Variants in IL7 observed in about 807,000 individuals in gnomAD.
IL7 encodes interleukin-7.
IL7 carries 3 observed loss-of-function variants against 21.6 expected under a neutral mutation model. The observed-to-expected ratio is 0.14, with a 90% confidence interval of 0.06 to 0.36. IL7 has a LOEUF of 0.36. IL7 is among the 10% of genes least tolerant of loss of function. The pLI, the probability that IL7 is intolerant of heterozygous loss-of-function variation, is 1.00. For synonymous variants in IL7, 62 were observed against 68.1 expected (o/e 0.91, Z 0.44); for missense variants, 175 against 200.2 (o/e 0.87, Z 0.76).
chr8:78,790,710 A>T (rs1813659902), intron 2 of IL7, among the ~76,000 whole-genome samples: 1 of 152,094 alleles, frequency 6.6e-6, no homozygotes, highest in Non-Finnish European at 1.5e-5. Context: ...CATTTGCAAT[A>T]GCATTAAAGA....
At chr8:78,759,066 C>CA (rs1812453447) in intron 2 of IL7, among the ~76,000 whole-genome samples, 1 of 150,166 alleles carries the variant, frequency 6.7e-6, no homozygotes, top group Admixed American at 6.6e-5. Flanking sequence ...TTCCCCCCCC[C>CA]ACCTTTTTTT....
At chr8:78,784,257 G>A (rs72661382) in intron 2 of IL7, among the ~76,000 whole-genome samples, 9,792 of 152,206 alleles carry the variant, frequency 0.064, 343 homozygotes, top group Middle Eastern at 0.092. Context: ...ATTCTGCCAC[G>A]TGAAGATATG....
At chr8:78,796,946 C>T (rs72666868) in intron 2 of IL7, among the ~76,000 whole-genome samples, 12,124 of 151,872 alleles carry the variant, frequency 0.08, 588 homozygotes, top group African/African-American at 0.13. Flanking sequence ...AAACCCTGCA[C>T]GTATATGTTT....
intron 3 of IL7, among the ~76,000 whole-genome samples, chr8:78,726,390 G>A (rs1256922754): frequency 6.6e-6 from 1 of 151,972 alleles, no homozygotes; most frequent in East Asian, 1.9e-4. Flanking sequence ...GGAATGGTGT[G>A]TGTGTGGAAA....
chr8:78,678,842 C>T, intron 4 of IL7: 1 of 433,274 alleles, frequency 2.3e-6, no homozygotes, highest in East Asian at 3.8e-5. Flanking sequence ...TAGAAATTAT[C>T]TGAAGCTTAT....
downstream of IL7, among the ~76,000 whole-genome samples, chr8:78,729,332 G>A (rs1225907541): frequency 6.6e-6 from 1 of 151,944 alleles, no homozygotes; most frequent in East Asian, 1.9e-4. Flanking sequence ...CACTAGAGAT[G>A]GATGCTTAAT....
chr8:78,729,116 T>C (rs1183245803), downstream of IL7, among the ~76,000 whole-genome samples: 1 of 151,996 alleles, frequency 6.6e-6, no homozygotes, highest in Non-Finnish European at 1.5e-5. Context: ...GTATTATATG[T>C]TAAAAATTTG....
chr8:78,697,438 C>A, intron 3 of IL7: 2 of 1,606,258 alleles, frequency 1.2e-6, no homozygotes, highest in Non-Finnish European at 1.7e-6. Context: ...AAGTCAAATT[C>A]TCCTGGAACT....
At position 78,762,231 on chromosome 8, in the gene IL7, T is replaced by C. The variant is rs764255264; in HGVS notation, c.148-22149A>G. 2.5e-5 allele frequency: 39 copies of C among 1,577,674 alleles called. No individual in the cohort carries two copies. The Admixed American group carries it at 2.5e-4, about 10-fold the overall frequency. On this transcript the variant is annotated intron_variant, in intron 2 of 5. Transcript: ENST00000263851. ...CTATAAGGACCAGTTCTACAGATCA[T>C]AGAGGTCTCAAAATGTTTGGCACAT...
intron 1 of IL7, among the ~76,000 whole-genome samples, chr8:78,803,121 T>C (rs1814143563): frequency 6.6e-6 from 1 of 152,172 alleles, no homozygotes. Context: ...CGTGATGCAG[T>C]TTGTAATTCT....
At chr8:78,690,137 G>A (rs1810159242) in intron 3 of IL7, among the ~76,000 whole-genome samples, 1 of 152,166 alleles carries the variant, frequency 6.6e-6, no homozygotes, top group African/African-American at 2.4e-5. Context: ...TTCAGGACAT[G>A]CTGTTCTGTT....
chr8:78,758,012 C>G (rs1413406552), intron 2 of IL7, among the ~76,000 whole-genome samples: 3 of 152,102 alleles, frequency 2.0e-5, no homozygotes, highest in Admixed American at 2.0e-4. Context: ...TTTGTTCTTC[C>G]CTTGTTTTAC....
chr8:78,680,421 A>G lies in IL7; in HGVS notation n.274-4317T>C, dbSNP rs958811193. On this transcript the variant is annotated intron_variant and non_coding_transcript_variant, in intron 4 of 4. Transcript: ENST00000523959. ...GGCAGTATTTGGAAACTTGTTAGACATACAGAATCTCAGCCTCCTCCCAAA... is the reference window on the plus strand; with the variant it reads ...GGCAGTATTTGGAAACTTGTTAGACGTACAGAATCTCAGCCTCCTCCCAAA... Among the ~76,000 whole-genome samples, 6 of 152,110 alleles carry G rather than the reference A, an allele frequency of 3.9e-5. No individual in the cohort carries two copies. In the East Asian group the frequency reaches 7.7e-4, roughly 20 times the overall value.
rs1813153507 is a variant in IL7, at chr8:78,776,890, T to C, written c.147+21182A>G. On this transcript the variant is annotated intron_variant, in intron 2 of 5. Coordinates refer to ENST00000263851, the MANE Select transcript of IL7 (RefSeq NM_000880.4). ...ATTGACACAGGGTCCACACGGGTCATAACATAAGTAGATGCAGTATAAATT... is the reference window on the plus strand; with the variant it reads ...ATTGACACAGGGTCCACACGGGTCACAACATAAGTAGATGCAGTATAAATT... Among the ~76,000 whole-genome samples the C allele has an allele frequency of 5.9e-5, 9 of 152,040 alleles. 1 individual carries two copies. The highest frequency in any genetic ancestry group is 5.9e-4 in the Admixed American group (9 of 15,232).
At chr8:78,683,290 T>G (rs1326807145) in intron 4 of IL7, among the ~76,000 whole-genome samples, 1 of 152,254 alleles carries the variant, frequency 6.6e-6, no homozygotes, top group Non-Finnish European at 1.5e-5. Flanking sequence ...GCAGAGGTTC[T>G]CCATGAGGGC....
chr8:78,680,652 A>G (rs1189139849), intron 4 of IL7, among the ~76,000 whole-genome samples: 2 of 152,214 alleles, frequency 1.3e-5, no homozygotes, highest in African/African-American at 2.4e-5. Context: ...AGGTAGGCAT[A>G]ATTCATAGAT....
chr8:78,791,691 A>G (rs941262166), intron 2 of IL7, among the ~76,000 whole-genome samples: 2 of 152,120 alleles, frequency 1.3e-5, no homozygotes, highest in Non-Finnish European at 2.9e-5. Context: ...CTCTTACCAA[A>G]TGATGAGCAT....
At chr8:78,717,446 T>C, downstream of IL7, 1 of 1,604,510 alleles carries the variant, frequency 6.2e-7, no homozygotes, top group South Asian at 1.1e-5. Context: ...CCCTGTAGAA[T>C]GGGCCAAATT....
At chr8:78,679,996 A>G (rs898734564) in intron 4 of IL7, among the ~76,000 whole-genome samples, 11 of 152,174 alleles carry the variant, frequency 7.2e-5, no homozygotes, top group African/African-American at 2.7e-4. Context: ...AATTGGCTCA[A>G]GAGTCAGACT....
Sources: gnomAD v4.1 joint callset for allele counts (sites outside exome capture counted in the v4.1 genomes callset) on GRCh38, gnomAD v4.1.1 for gene constraint, MANE v1.5 for transcripts, NCBI Gene and HGNC (gene_info 2026-07-23, HGNC 2026-07-21) for gene names.